Variants in DAPK2 observed in about 807,000 individuals in gnomAD.
DAPK2 encodes death associated protein kinase 2, also known as death-associated protein kinase 2.
DAPK2 carries 35 observed loss-of-function variants against 44.1 expected under a neutral mutation model. The ratio of observed to expected loss-of-function variants is 0.79; its 90% CI spans 0.61 to 1.05. DAPK2 has a LOEUF of 1.05. DAPK2 is among the 50% of genes least tolerant of loss of function. The pLI is 0.00. For missense variants in DAPK2, 453 were observed against 483.2 expected (o/e 0.94, Z 0.59); for synonymous variants, 174 against 182.6 (o/e 0.95, Z 0.38).
intron 8 of DAPK2, chr15:63,920,518 T>C (rs2079043942): frequency 6.6e-6 from 1 of 152,218 alleles, no homozygotes; most frequent in South Asian, 2.1e-4. Flanking sequence ...ATGCATCTTA[T>C]CACCACGGTT....
At chr15:63,940,857 C>T (rs888341670) in intron 3 of DAPK2, among the ~76,000 whole-genome samples, 1 of 151,996 alleles carries the variant, frequency 6.6e-6, no homozygotes, top group African/African-American at 2.4e-5. Context: ...TCCATTGATA[C>T]AAAATACCCA....
chr15:63,936,044 T>C (rs1378789708), intron 4 of DAPK2: 1 of 152,240 alleles, frequency 6.6e-6, no homozygotes, highest in Non-Finnish European at 1.5e-5. Flanking sequence ...TATTTCTATG[T>C]ATATAAAATG....
chr15:63,925,934 C>T lies in DAPK2; in HGVS notation c.812+7G>A, dbSNP rs780152698. 3 of 1,613,990 alleles carry T rather than the reference C, an allele frequency of 1.9e-6. No homozygotes were observed. Among genetic ancestry groups the T allele is most frequent in the Admixed American group, 3.3e-5 (2 of 59,994 alleles). ...CTGAGAAACCAGTGGCTTCTCTGTC[C>T]TCTTACCGGGTCTCTTTAACCAGAA... is the stretch of plus-strand genomic sequence containing the variant. On this transcript the variant is annotated splice_region_variant and intron_variant, in intron 7 of 10. Coordinates refer to ENST00000261891, the Ensembl canonical transcript of DAPK2.
intron 4 of DAPK2, among the ~76,000 whole-genome samples, chr15:63,931,633 G>A (rs574107993): frequency 2.2e-4 from 33 of 152,166 alleles, no homozygotes; most frequent in Non-Finnish European, 3.5e-4. Flanking sequence ...GGGCAGCCAG[G>A]GGAAGATGTC....
At chr15:64,014,479 A>G (rs1240796630) in intron 1 of DAPK2, among the ~76,000 whole-genome samples, 3 of 152,362 alleles carry the variant, frequency 2.0e-5, no homozygotes, top group South Asian at 4.1e-4. Context: ...CAGAGAGGAG[A>G]CAAGACCAAA....
intron 3 of DAPK2, among the ~76,000 whole-genome samples, chr15:63,957,975 G>C (rs186717111): frequency 6.6e-6 from 1 of 152,216 alleles, no homozygotes; most frequent in Admixed American, 6.5e-5. Context: ...TCCCACCAAC[G>C]GTGTAAAAGC....
Position 63,923,146 on chromosome 15 carries a change from G to A in DAPK2, c.858+1670C>T, listed in dbSNP as rs1233762488. The A allele has an allele frequency of 1.3e-6, 2 of 1,535,760 alleles. No homozygotes were observed. The highest frequency in any genetic ancestry group is 1.7e-6 in the Non-Finnish European group (2 of 1,146,714). On this transcript the variant is annotated intron_variant, in intron 8 of 10. Transcript: ENST00000261891. This position sits in a 1 kb window ranked among gnomAD's most constrained non-coding sequence, Gnocchi z 4.2. ...CCACATCGTCCTGGATGGTATCGTGGGCCTCCACCAGGGCACGGCATCCCA... is the reference window on the plus strand; with the variant it reads ...CCACATCGTCCTGGATGGTATCGTGAGCCTCCACCAGGGCACGGCATCCCA...
chr15:64,021,932 G>C (rs912522747), intron 1 of DAPK2, among the ~76,000 whole-genome samples: 7 of 152,332 alleles, frequency 4.6e-5, no homozygotes, highest in African/African-American at 1.7e-4. Flanking sequence ...TTGGACAGCA[G>C]AGTGGGCAAA....
chr15:64,042,995 T>A (rs762189067), upstream of DAPK2, among the ~76,000 whole-genome samples: 5 of 152,256 alleles, frequency 3.3e-5, no homozygotes, highest in Non-Finnish European at 7.3e-5. The surrounding 1 kb of genome is among the most constrained non-coding windows in gnomAD (Gnocchi z 4.7). Context: ...CTTATGTTTA[T>A]GTCTAACCCA....
At chr15:63,971,309 G>T (rs2078205251) in intron 3 of DAPK2, 114 bp downstream of exon 4, 1 of 1,303,784 alleles carries the variant, frequency 7.7e-7, no homozygotes, top group Non-Finnish European at 1.1e-6. Context: ...GTTTTTCACT[G>T]TAAGATGAGA....
In DAPK2 at chr15:63,909,335, T is replaced by C. The variant is rs536509273; in HGVS notation, c.1033-735A>G. On this transcript the variant is annotated intron_variant, in intron 10 of 10. Transcript: ENST00000261891. Reference sequence around the variant, plus strand: ...AAACAAAAGGACCTATCATTACTCTTTTTTTTTTTTTTTTTAAGGAAAGTC... The same window carrying C: ...AAACAAAAGGACCTATCATTACTCTCTTTTTTTTTTTTTTTAAGGAAAGTC... The C allele has an allele frequency of 5.1e-5, 7 of 136,056 alleles. No individual in the cohort carries two copies. In the East Asian group the frequency reaches 1.0e-3, roughly 20 times the overall value. 8.4% of individuals were successfully genotyped at this position (136,056 alleles called of 1,614,324 possible).
intron 3 of DAPK2, among the ~76,000 whole-genome samples, chr15:63,960,140 G>A (rs372044018): frequency 7.2e-4 from 110 of 152,216 alleles, no homozygotes; most frequent in Middle Eastern, 3.4e-3. Flanking sequence ...ATTTATTTGC[G>A]TAGAGGTGTT....
intron 1 of DAPK2, among the ~76,000 whole-genome samples, chr15:63,985,424 G>A (rs1240165026): frequency 2.0e-5 from 3 of 152,184 alleles, no homozygotes; most frequent in Non-Finnish European, 2.9e-5. Context: ...GCCTTGGTAG[G>A]TGCCAACAAA....
intron 1 of DAPK2, among the ~76,000 whole-genome samples, chr15:64,015,797 C>T (rs1174307862): frequency 6.6e-6 from 1 of 152,170 alleles, no homozygotes; most frequent in Non-Finnish European, 1.5e-5. Context: ...GCCAAGAACA[C>T]AAAGGATCAC....
chr15:63,922,722 T>G, intron 8 of DAPK2: 2 of 1,506,096 alleles, frequency 1.3e-6, no homozygotes, highest in Non-Finnish European at 1.8e-6. Context: ...CATCACTGAC[T>G]GGATTCTGGC....
intron 2 of DAPK2, among the ~76,000 whole-genome samples, chr15:63,983,191 C>T (rs1265552715): frequency 1.3e-5 from 2 of 152,204 alleles, no homozygotes; most frequent in African/African-American, 4.8e-5. Flanking sequence ...ATCTGTCCCA[C>T]TCACCCTCCC....
intron 1 of DAPK2, among the ~76,000 whole-genome samples, chr15:64,007,499 C>G (rs1446709455): frequency 6.6e-6 from 1 of 152,166 alleles, no homozygotes; most frequent in East Asian, 1.9e-4. Context: ...CCTGATCTCC[C>G]AGCCTCAGAG....
intron 1 of DAPK2, among the ~76,000 whole-genome samples, chr15:64,033,292 G>GGAAGGAAGGAAGGAAA (rs2080079028): frequency 8.2e-6 from 1 of 122,322 alleles, no homozygotes; most frequent in African/African-American, 2.9e-5. Flanking sequence ...GAAGGGGGAA[G>GGAAGGAAGGAAGGAAA]GAAGGAAGGA....
intron 1 of DAPK2, among the ~76,000 whole-genome samples, chr15:64,012,406 A>G (rs899931012): frequency 1.3e-5 from 2 of 152,258 alleles, no homozygotes; most frequent in African/African-American, 4.8e-5. Context: ...TGTCTTGTTT[A>G]CAGTTAAATC....
Sources: gnomAD v4.1 joint callset for allele counts (sites outside exome capture counted in the v4.1 genomes callset) on GRCh38, gnomAD v4.1.1 for gene constraint, Gnocchi (gnomAD v3.1) non-coding constraint, MANE v1.5 for transcripts, NCBI Gene and HGNC (gene_info 2026-07-23, HGNC 2026-07-21) for gene names.